Variants in DGKI observed in about 807,000 individuals in gnomAD.
DGKI encodes the protein diacylglycerol kinase iota.
Under a neutral mutation model 147.5 loss-of-function variants are expected in DGKI, and 55 were observed. That is an observed-to-expected ratio of 0.37 (90% CI 0.30 to 0.47). DGKI has a LOEUF of 0.47. Ranked by LOEUF, DGKI falls within the 20% of genes least tolerant of loss-of-function variation. The pLI is 1.00. For missense variants in DGKI, 1,007 were observed against 1,323.8 expected (o/e 0.76, Z 3.71); for synonymous variants, 469 against 477.1 (o/e 0.98, Z 0.22).
intron 14 of DGKI, among the ~76,000 whole-genome samples, chr7:137,583,927 A>G (rs1425908947): frequency 6.6e-6 from 1 of 152,220 alleles, no homozygotes. Flanking sequence ...GAATTTCAGG[A>G]TCATGGTTTA....
chr7:137,599,983 A>G (rs1819931064), intron 10 of DGKI, 78 bp from the exon 11 acceptor site: 3 of 1,235,348 alleles, frequency 2.4e-6, no homozygotes, highest in African/African-American at 1.5e-5. Context: ...AAAAATAAAT[A>G]CTTTTATTTA....
chr7:137,649,949 A>T (rs897286808), intron 5 of DGKI, among the ~76,000 whole-genome samples: 3 of 151,722 alleles, frequency 2.0e-5, no homozygotes, highest in African/African-American at 4.9e-5. Flanking sequence ...GCCAGGGCAT[A>T]GTGACCAACA....
chr7:137,764,039 T>C (rs1795935843), intron 1 of DGKI, among the ~76,000 whole-genome samples: 1 of 152,234 alleles, frequency 6.6e-6, no homozygotes, highest in South Asian at 2.1e-4. Context: ...AAGTGTCAAG[T>C]GATGGCTCCC....
At chr7:137,623,678 G>T (rs1025015113) in intron 6 of DGKI, 124 bp from the exon 7 acceptor site, 5 of 774,798 alleles carry the variant, frequency 6.5e-6, no homozygotes, top group African/African-American at 5.1e-5. Context: ...ACCACTGGAG[G>T]TAAGTAGAAT....
chr7:137,793,830 A>G (rs186629703), intron 1 of DGKI, among the ~76,000 whole-genome samples: 1 of 152,300 alleles, frequency 6.6e-6, no homozygotes, highest in Admixed American at 6.5e-5. Context: ...AAGTTATTTA[A>G]TCTGTTAATA....
intron 12 of DGKI, among the ~76,000 whole-genome samples, chr7:137,596,078 G>A (rs1306867171): frequency 1.3e-5 from 2 of 151,166 alleles, no homozygotes; most frequent in Non-Finnish European, 2.9e-5. Flanking sequence ...GAGAATGAGG[G>A]AGGGAGAGGT....
chr7:137,503,610 A>G (rs944194332), intron 21 of DGKI, among the ~76,000 whole-genome samples: 4 of 152,168 alleles, frequency 2.6e-5, no homozygotes, highest in Admixed American at 1.3e-4. Context: ...ATATTCTCAT[A>G]CCATTCATTT....
intron 1 of DGKI, among the ~76,000 whole-genome samples, chr7:137,706,628 A>C (rs1794039430): frequency 6.8e-6 from 1 of 147,296 alleles, no homozygotes; most frequent in Non-Finnish European, 1.5e-5. Context: ...GCTGGAGTGC[A>C]ATGGTGCAAT....
intron 30 of DGKI, among the ~76,000 whole-genome samples, chr7:137,402,766 G>A (rs1027447565): frequency 3.9e-5 from 6 of 152,144 alleles, no homozygotes; most frequent in South Asian, 2.1e-4. Flanking sequence ...CAGATGTGGG[G>A]AGAGCTGGCA....
At chr7:137,843,221 T>A (rs972446487) in intron 1 of DGKI, among the ~76,000 whole-genome samples, 1 of 151,644 alleles carries the variant, frequency 6.6e-6, no homozygotes, top group Non-Finnish European at 1.5e-5. Context: ...CCTTATGTGT[T>A]TCTGAAGTCT....
chr7:137,572,793 G>T lies in DGKI; in HGVS notation c.1807C>A (p.Gln603Lys). ...GGTATATTTAAAAATACTATACACT[G>T]GAACTTCAGTTCCTGAATCTTTGGG... is the stretch of plus-strand genomic sequence containing the variant. ...LTPKIQELKF[Q>K]CIVFLNIPRY... The change falls in exon 18 of 33, where the codon CAG becomes AAG. Residue 603 changes from glutamine (Q) to lysine (K), a missense_variant. Around this residue, in one of 5 missense-constraint regions of DGKI, gnomAD observed 224 missense variants for 382.7 expected, o/e 0.59. Transcript: ENST00000614521. 6.2e-7 allele frequency: 1 copy of T among 1,611,836 alleles called. No homozygotes were observed. Among genetic ancestry groups the T allele is most frequent in the South Asian group, 1.1e-5 (1 of 90,590 alleles).
Position 137,656,472 on chromosome 7 carries a change from T to C in DGKI, c.675A>G (p.Leu225=), listed in dbSNP as rs144790772. Residue 225 remains leucine (L), a synonymous_variant, in exon 4 of 33, where the codon CTA becomes CTG. Coordinates refer to ENST00000614521, the MANE Select transcript of DGKI (RefSeq NM_001321708.2). ...IVVHTACIEQ[L]EKINFRCKPT... is the part of the protein sequence containing the mutation. Reference sequence around the variant, plus strand: ...GCAGGGGGCGCGCTCTTACCTTTTCTAGCTGCTCAATGCAGGCGGTGTGGA... The same window carrying C: ...GCAGGGGGCGCGCTCTTACCTTTTCCAGCTGCTCAATGCAGGCGGTGTGGA... 5 of 1,614,174 alleles carry C rather than the reference T, an allele frequency of 3.1e-6. No individual in the cohort carries two copies. Among genetic ancestry groups the C allele is most frequent in the South Asian group, 1.1e-5 (1 of 91,080 alleles).
At chr7:137,405,763 A>G (rs1250053925) in intron 30 of DGKI, among the ~76,000 whole-genome samples, 2 of 152,112 alleles carry the variant, frequency 1.3e-5, no homozygotes, top group African/African-American at 4.8e-5. Context: ...GCTGTGAAGG[A>G]TCTTGGGAAA....
At chr7:137,559,422 A>G (rs1000971016) in intron 19 of DGKI, among the ~76,000 whole-genome samples, 2 of 152,008 alleles carry the variant, frequency 1.3e-5, no homozygotes, top group African/African-American at 4.8e-5. Flanking sequence ...CCTCCCATCT[A>G]GAGCCCTGTT....
chr7:137,638,636 ATATATGTGTATG>A lies in DGKI; in HGVS notation c.804+6824_804+6835del, dbSNP rs1821496337. Among the ~76,000 whole-genome samples the A allele has an allele frequency of 2.6e-4, 2 of 7,812 alleles. 1 individual carries two copies. The highest frequency in any genetic ancestry group is 2.0e-3 in the African/African-American group (2 of 976). 5.1% of individuals were successfully genotyped at this position (7,812 alleles called of 152,430 possible). A position where few individuals can be genotyped will look rare whatever the true frequency, so the allele number is the denominator to read the frequency against. On this transcript the variant is annotated intron_variant, in intron 6 of 32. Coordinates refer to ENST00000614521, the MANE Select transcript of DGKI (RefSeq NM_001321708.2). ...TACACACACACATATATATGTGTGT[ATATATGTGTATG>A]TATATACACACATATGTATATATAC...
intron 1 of DGKI, among the ~76,000 whole-genome samples, chr7:137,717,031 A>ATC (rs1794396906): frequency 1.3e-5 from 2 of 152,172 alleles, no homozygotes; most frequent in East Asian, 1.9e-4. Flanking sequence ...TACTTGTACT[A>ATC]TATGGTAAAC....
rs151182928 is a variant in DGKI at position 137,416,672 on chromosome 7, C to G, written c.2762-4465G>C. 3.6e-3 allele frequency among the ~76,000 whole-genome samples: 548 copies of G among 152,232 alleles called. 3 individuals are homozygous for G. Among genetic ancestry groups the G allele is most frequent in the African/African-American group, 0.011 (463 of 41,542 alleles). ...CATGTCAGTGTGAGTCTGCTTCCCC[C>G]CCTCTGGAAACAGTTAAGTTCCTAC... is the stretch of plus-strand genomic sequence containing the variant. On this transcript the variant is annotated intron_variant, in intron 28 of 32. Transcript: ENST00000614521.
At chr7:137,527,010 T>C (rs1433970671) in intron 20 of DGKI, among the ~76,000 whole-genome samples, 2 of 152,190 alleles carry the variant, frequency 1.3e-5, no homozygotes. Context: ...ACATGAATTA[T>C]ATAGGAGTGA....
At chr7:137,623,652 G>T in intron 6 of DGKI, 98 bp from the exon 7 acceptor site, 1 of 1,012,342 alleles carries the variant, frequency 9.9e-7, no homozygotes, top group Non-Finnish European at 1.6e-6. Context: ...AGGCCAGAAG[G>T]CCAGGACTGT....
Sources: gnomAD v4.1 joint callset for allele counts (sites outside exome capture counted in the v4.1 genomes callset) on GRCh38, gnomAD v4.1.1 for gene constraint, gnomAD v4.1.1 regional missense constraint, MANE v1.5 for transcripts, NCBI Gene and HGNC (gene_info 2026-07-23, HGNC 2026-07-21) for gene names.